FUBP3: variants seen among roughly 807,000 people sequenced by gnomAD.
FUBP3 encodes the protein far upstream element-binding protein 3.
FUBP3 carries 28 observed loss-of-function variants against 85.6 expected under a neutral mutation model. The ratio of observed to expected loss-of-function variants is 0.33; its 90% confidence interval spans 0.24 to 0.45. FUBP3 has a LOEUF of 0.45. Ranked by LOEUF, FUBP3 falls within the 20% of genes least tolerant of loss-of-function variation. The pLI is 1.00. For missense variants in FUBP3, 583 were observed against 755.1 expected, an observed-to-expected ratio of 0.77 and a Z score of 2.67; for synonymous variants, 271 against 271.4, an observed-to-expected ratio of 1.00 and a Z score of 0.01.
chr9:130,632,356 C>T, intron 16 of FUBP3, 78 bp downstream of exon 16: 1 of 1,110,054 alleles, frequency 9.0e-7, no homozygotes, highest in Non-Finnish European at 1.3e-6. Flanking sequence ...AAAACGCCCT[C>T]GTTCAACTCA....
chr9:130,616,364 A>G lies in FUBP3; in HGVS notation c.414A>G (p.Lys138=). The change falls in exon 7 of 19, where the codon AAA becomes AAG. Residue 138 remains lysine, a synonymous_variant. Transcript: ENST00000319725. This position sits in a 1 kb window ranked among gnomAD's most constrained non-coding sequence, Gnocchi z 4.7. ...TGTPESIEQA[K]RLLGQIVDRC... ...CTTTTCCCTCCCAAAGACAAGCCAA[A>G]CGGCTCCTGGGACAGATTGTGGACC... 2.5e-6 allele frequency: 4 copies of G among 1,614,062 alleles called. No homozygotes were observed. The highest frequency in any genetic ancestry group is 3.4e-6 in the Non-Finnish European group (4 of 1,179,984).
intron 2 of FUBP3, among the ~76,000 whole-genome samples, chr9:130,598,855 C>G (rs890509920): frequency 2.0e-5 from 3 of 152,170 alleles, no homozygotes; most frequent in Non-Finnish European, 2.9e-5. Flanking sequence ...AAAACAGTGG[C>G]CATCTCCTCT....
chr9:130,630,498 C>A (rs773927359), intron 12 of FUBP3, 130 bp from the exon 13 acceptor site: 2 of 613,816 alleles, frequency 3.3e-6, no homozygotes, highest in African/African-American at 1.9e-5. Flanking sequence ...GAGACAACTT[C>A]TCTACTGTCA....
chr9:130,587,253 T>G (rs10901208), intron 1 of FUBP3, among the ~76,000 whole-genome samples: 2 of 151,508 alleles, frequency 1.3e-5, no homozygotes, highest in Non-Finnish European at 2.9e-5. Flanking sequence ...TCTGTAGAGA[T>G]GCGGTTTCAC....
At chr9:130,586,380 C>T (rs1830337267) in intron 1 of FUBP3, among the ~76,000 whole-genome samples, 1 of 152,068 alleles carries the variant, frequency 6.6e-6, no homozygotes, top group Non-Finnish European at 1.5e-5. Flanking sequence ...AAGATAGGAC[C>T]AGGGCTATTA....
At chr9:130,590,416 G>A (rs1399941630) in intron 1 of FUBP3, among the ~76,000 whole-genome samples, 1 of 152,212 alleles carries the variant, frequency 6.6e-6, no homozygotes, top group East Asian at 1.9e-4. Context: ...GTAGTTAAGT[G>A]TCTGTGACGT....
At chr9:130,623,504 C>T (rs1044741927) in intron 10 of FUBP3, 107 bp from the exon 11 acceptor site, 2 of 730,510 alleles carry the variant, frequency 2.7e-6, no homozygotes, top group Non-Finnish European at 4.9e-6. Flanking sequence ...ATTCCTGTTG[C>T]CCCTTTTGGC....
intron 10 of FUBP3, 142 bp downstream of exon 10, chr9:130,622,952 G>T (rs973271985): frequency 2.3e-6 from 1 of 442,246 alleles, no homozygotes; most frequent in Non-Finnish European, 4.0e-6. Context: ...GCAACATCCT[G>T]CTACCAGATG....
At chr9:130,592,549 CTGT>C (rs1275864113) in intron 1 of FUBP3, among the ~76,000 whole-genome samples, 3 of 152,042 alleles carry the variant, frequency 2.0e-5, no homozygotes, top group African/African-American at 7.2e-5. Context: ...TTGTTGTTTT[CTGT>C]TGTTGTTTTA....
chr9:130,605,880 A>G (rs952184736), intron 2 of FUBP3, among the ~76,000 whole-genome samples: 26 of 151,106 alleles, frequency 1.7e-4, no homozygotes, highest in Non-Finnish European at 3.0e-4. Flanking sequence ...GCTACTTGGT[A>G]GGCTGAAGCA....
chr9:130,580,315 T>C (rs1196499373), intron 1 of FUBP3, among the ~76,000 whole-genome samples: 1 of 152,178 alleles, frequency 6.6e-6, no homozygotes, highest in African/African-American at 2.4e-5. Context: ...CATGGCAAGC[T>C]TGCCTCTACT....
intron 12 of FUBP3, among the ~76,000 whole-genome samples, chr9:130,626,987 A>G (rs1029066093): frequency 3.9e-5 from 6 of 152,200 alleles, no homozygotes; most frequent in South Asian, 2.1e-4. Context: ...TCCTTTCTGC[A>G]TATTTACCGT....
At chr9:130,618,178 G>T (rs985005620) in intron 8 of FUBP3, among the ~76,000 whole-genome samples, 1 of 152,214 alleles carries the variant, frequency 6.6e-6, no homozygotes, top group African/African-American at 2.4e-5. Flanking sequence ...CCTGAGGCTG[G>T]TGGTGACTGT....
At chr9:130,600,322 A>C (rs1831094572) in intron 2 of FUBP3, among the ~76,000 whole-genome samples, 1 of 151,986 alleles carries the variant, frequency 6.6e-6, no homozygotes, top group South Asian at 2.1e-4. Flanking sequence ...TTCATTTCCC[A>C]TGGACTCTTC....
intron 9 of FUBP3, among the ~76,000 whole-genome samples, chr9:130,621,735 T>C (rs979027549): frequency 6.6e-6 from 1 of 151,636 alleles, no homozygotes; most frequent in Non-Finnish European, 1.5e-5. Context: ...TGAAACCCTG[T>C]CTCTACTAAA....
At chr9:130,622,662 C>G in intron 9 of FUBP3, 46 bp from the exon 10 acceptor site, 1 of 891,718 alleles carries the variant, frequency 1.1e-6, no homozygotes, top group South Asian at 1.6e-5. Flanking sequence ...TTTAAAAAGA[C>G]AGGTTTGTGA....
At position 130,636,901 on chromosome 9, in the gene FUBP3, G is replaced by C. The variant is rs1014162064; in HGVS notation, c.1711-113G>C. Reference sequence around the variant, plus strand: ...GAGAGAGAAGCCCAAGACCTCTTCAGCAGAGGTTTTGTCTGGCCCAGCTCC... The same window carrying C: ...GAGAGAGAAGCCCAAGACCTCTTCACCAGAGGTTTTGTCTGGCCCAGCTCC... On this transcript the variant is annotated intron_variant, in intron 18 of 18. Coordinates refer to ENST00000319725, the MANE Select transcript of FUBP3 (RefSeq NM_003934.2). 7 of 878,144 alleles carry C rather than the reference G, an allele frequency of 8.0e-6. No homozygotes were observed. In the African/African-American group the frequency reaches 8.2e-5, roughly 10 times the overall value. The allele number at this position is 878,144 out of a possible 1,614,324, so 54.4% of individuals were successfully genotyped here.
At chr9:130,636,983 C>T in intron 18 of FUBP3, 31 bp from the exon 19 acceptor site, 1 of 1,608,502 alleles carries the variant, frequency 6.2e-7, no homozygotes, top group Non-Finnish European at 8.5e-7. Flanking sequence ...CCTGCCATCA[C>T]AGACTAATTC....
At chr9:130,632,085 C>A (rs531306204) in intron 15 of FUBP3, 63 bp downstream of exon 15, 23 of 1,488,014 alleles carry the variant, frequency 1.5e-5, no homozygotes, top group Non-Finnish European at 2.2e-5. Context: ...TTGGCTATTG[C>A]CGACAGGCAA....
Sources: allele counts gnomAD v4.1 joint callset (sites outside exome capture counted in the v4.1 genomes callset), GRCh38; gene constraint gnomAD v4.1.1; non-coding constraint Gnocchi (gnomAD v3.1); transcripts MANE v1.5; gene names NCBI Gene and HGNC (gene_info 2026-07-23, HGNC 2026-07-21).